The following KRTAP4-9 variants were observed in gnomAD, a reference collection of about 807,000 sequenced individuals.
KRTAP4-9 encodes keratin associated protein 4-9.
Under a neutral mutation model 4.3 loss-of-function variants are expected in KRTAP4-9, and 4 were observed. That is an observed-to-expected ratio of 0.94 (90% CI 0.46 to 2.15). KRTAP4-9 has a LOEUF of 2.15. KRTAP4-9 is among the 30% of genes most tolerant of loss of function. KRTAP4-9 has a pLI of 0.02. For synonymous variants in KRTAP4-9, 111 were observed against 99.2 expected, an observed-to-expected ratio of 1.12 and a Z score of -0.70; for missense variants, 297 against 278.5, an observed-to-expected ratio of 1.07 and a Z score of -0.47.
chr17:41,105,830 A>G, exon 1 of KRTAP4-9: 7 of 1,611,286 alleles, frequency 4.3e-6, no homozygotes, highest in Non-Finnish European at 5.9e-6. Context: ...CTGCCAGCCC[A>G]ACTGCTGCCG....
At chr17:41,106,240 C>T (rs2014090380) in exon 1 of KRTAP4-9, 4 of 818,782 alleles carry the variant, frequency 4.9e-6, no homozygotes, top group African/African-American at 1.7e-5. Context: ...GGTGGTGGCA[C>T]CAAATGTGAA....
exon 1 of KRTAP4-9, chr17:41,105,705 G>T (rs759618050): frequency 3.2e-6 from 5 of 1,571,312 alleles, no homozygotes; most frequent in African/African-American, 1.4e-5. Context: ...ACTTGCTGTC[G>T]CCCCAGCTGC....
exon 1 of KRTAP4-9, chr17:41,105,755 A>G: frequency 6.2e-7 from 1 of 1,601,144 alleles, no homozygotes; most frequent in Non-Finnish European, 8.5e-7. Context: ...CTGCATCTCC[A>G]GCTGCTGTCG....
chr17:41,106,263 C>T (rs186281155), exon 1 of KRTAP4-9: 45 of 689,544 alleles, frequency 6.5e-5, no homozygotes, highest in African/African-American at 4.3e-4. Context: ...AATTTGTAAT[C>T]CACTAGCTAG....
exon 1 of KRTAP4-9, chr17:41,106,229 C>T (rs752089291): frequency 8.2e-5 from 73 of 895,124 alleles, no homozygotes; most frequent in Middle Eastern, 3.3e-4. Flanking sequence ...CTTTTTCTTC[C>T]GGTGGTGGCA....
chr17:41,105,395 A>T, exon 1 of KRTAP4-9: 1 of 1,594,248 alleles, frequency 6.3e-7, no homozygotes, highest in Non-Finnish European at 8.6e-7. Flanking sequence ...CACCATGGTC[A>T]GCTCCTGTTG....
At chr17:41,105,765 G>C in exon 1 of KRTAP4-9, 5 of 1,602,388 alleles carry the variant, frequency 3.1e-6, no homozygotes, top group Non-Finnish European at 4.3e-6. Flanking sequence ...AGCTGCTGTC[G>C]CCCCAGCTGC....
exon 1 of KRTAP4-9, chr17:41,106,229 C>G: frequency 1.1e-6 from 1 of 895,178 alleles, no homozygotes; most frequent in Non-Finnish European, 1.6e-6. Flanking sequence ...CTTTTTCTTC[C>G]GGTGGTGGCA....
exon 1 of KRTAP4-9, chr17:41,105,412 C>A: frequency 1.9e-6 from 3 of 1,608,282 alleles, no homozygotes; most frequent in Middle Eastern, 3.3e-4. Flanking sequence ...GTTGTGGCTC[C>A]GTGTGCTCTG....
At chr17:41,105,498 C>T (rs1208552302) in exon 1 of KRTAP4-9, 13 of 1,566,918 alleles carry the variant, frequency 8.3e-6, no homozygotes, top group Middle Eastern at 1.7e-4. Context: ...TGCTGCAGGA[C>T]CACCTGCTGC....
At chr17:41,106,362 A>G in exon 1 of KRTAP4-9, 1 of 400,424 alleles carries the variant, frequency 2.5e-6, no homozygotes, top group South Asian at 5.5e-5. Context: ...TATCTGCAGG[A>G]CCAGTTTTGT....
exon 1 of KRTAP4-9, chr17:41,105,727 C>G (rs1238577591): frequency 6.4e-7 from 1 of 1,570,846 alleles, no homozygotes; most frequent in South Asian, 1.2e-5. Flanking sequence ...GTGAGACGAC[C>G]TGCTGCCACC....
exon 1 of KRTAP4-9, chr17:41,106,193 TC>T (rs1177696258): frequency 3.3e-6 from 4 of 1,226,840 alleles, no homozygotes; most frequent in Admixed American, 6.1e-5. Flanking sequence ...ACATTCTGAT[TC>T]ATTTTAAACT....
exon 1 of KRTAP4-9, chr17:41,105,986 C>T (rs1334237879): frequency 4.4e-6 from 7 of 1,594,304 alleles, no homozygotes; most frequent in Non-Finnish European, 6.0e-6. Flanking sequence ...CTCCAGCTGC[C>T]CCCGCCCCTT....
At chr17:41,105,631 C>T (rs1460716531) in exon 1 of KRTAP4-9, 1 of 1,601,090 alleles carries the variant, frequency 6.2e-7, no homozygotes, top group Non-Finnish European at 8.5e-7. Flanking sequence ...CCTGCTACCG[C>T]CCCAGCTGTT....
chr17:41,105,486 C>T (rs751639754), exon 1 of KRTAP4-9: 1 of 1,603,782 alleles, frequency 6.2e-7, no homozygotes, highest in East Asian at 2.3e-5. Context: ...TGTGAGACCA[C>T]CTGCTGCAGG....
chr17:41,105,774 G>A, exon 1 of KRTAP4-9: 1 of 1,602,948 alleles, frequency 6.2e-7, no homozygotes, highest in Non-Finnish European at 8.5e-7. Context: ...CGCCCCAGCT[G>A]CTGTGTGTCC....
At chr17:41,105,752 T>C (rs749038607) in exon 1 of KRTAP4-9, 1 of 1,593,674 alleles carries the variant, frequency 6.3e-7, no homozygotes, top group Non-Finnish European at 8.5e-7. Context: ...GTGCTGCATC[T>C]CCAGCTGCTG....
Position 41,105,612 on chromosome 17 carries a change from G to T in KRTAP4-9, c.224G>T (p.Cys75Phe), listed in dbSNP as rs754173122. Residue 75 changes from cysteine (C) to phenylalanine (F), a missense_variant, in exon 1 of 1, where the codon TGC (cysteine) becomes TTC (phenylalanine). Physicochemically the swap from Cys to Phe is radical, Grantham distance 205. Transcript: ENST00000391415. Reference sequence around the variant, plus strand: ...CCCAGCTGCTGTCAGACCACCTGTTGCAGGACCACCTGCTACCGCCCCAGC... The same window carrying T: ...CCCAGCTGCTGTCAGACCACCTGTTTCAGGACCACCTGCTACCGCCCCAGC... 4 of 1,596,304 alleles carry T rather than the reference G, an allele frequency of 2.5e-6. No individual in the cohort carries two copies. In the South Asian group the frequency reaches 3.3e-5, roughly 13 times the overall value.
Sources: gnomAD v4.1 joint callset for allele counts on GRCh38, gnomAD v4.1.1 for gene constraint, MANE v1.5 for transcripts, NCBI Gene and HGNC (gene_info 2026-07-23, HGNC 2026-07-21) for gene names.